Variants in LPP observed in about 807,000 individuals in gnomAD.
LPP encodes the protein lipoma-preferred partner.
In LPP, 38 loss-of-function variants were observed where a neutral mutation model predicts 60.4. The observed-to-expected ratio is 0.63, with a 90% CI of 0.49 to 0.83. The LOEUF (loss-of-function observed/expected upper bound fraction) is 0.83, where lower values mean the gene tolerates loss of function less well. Among genes scored for constraint, LPP ranks in the 40% least tolerant of loss-of-function variants. The pLI is 0.00. For synonymous variants in LPP, 328 were observed against 290.8 expected (o/e 1.13, Z -1.30); for missense variants, 902 against 783.6 (o/e 1.15, Z -1.80).
chr3:188,334,775 A>G lies in LPP; in HGVS notation c.-66-6888A>G, dbSNP rs191494538. The stretch of plus-strand genomic sequence containing the variant: ...TTGAAGAACCTCTATACTATTTTCT[A>G]TAATGGCTGTACTAACTTACATTCC... On this transcript the variant is annotated intron_variant, in intron 2 of 11. Transcript: ENST00000617246. Among the ~76,000 whole-genome samples, 332 of 152,282 alleles carry G rather than the reference A, an allele frequency of 2.2e-3. 3 individuals carry two copies. In the South Asian group the frequency reaches 0.024, roughly 11 times the overall value.
At chr3:188,418,228 T>C (rs1442508606) in intron 4 of LPP, among the ~76,000 whole-genome samples, 1 of 152,184 alleles carries the variant, frequency 6.6e-6, no homozygotes, top group African/African-American at 2.4e-5. Flanking sequence ...CAAATTTTAG[T>C]ATCTTCCCTT....
At chr3:188,580,680 TC>T (rs2150975148) in intron 6 of LPP, among the ~76,000 whole-genome samples, 1 of 152,258 alleles carries the variant, frequency 6.6e-6, no homozygotes, top group African/African-American at 2.4e-5. Flanking sequence ...ATGGTTTGTT[TC>T]CCACCAAAAG....
At chr3:188,795,631 A>T (rs114127429) in intron 9 of LPP, among the ~76,000 whole-genome samples, 5 of 152,248 alleles carry the variant, frequency 3.3e-5, no homozygotes, top group African/African-American at 1.2e-4. Context: ...GCCACACTGT[A>T]TACCCCCAAA....
intron 9 of LPP, among the ~76,000 whole-genome samples, chr3:188,779,802 CA>C: frequency 6.6e-6 from 1 of 152,138 alleles, no homozygotes; most frequent in African/African-American, 2.4e-5. Flanking sequence ...ATAGAGAAGA[CA>C]GCTAATACAT....
chr3:188,171,129 G>A lies in LPP; in HGVS notation c.-190+16877G>A, dbSNP rs778117310. Among the ~76,000 whole-genome samples, 5 of 152,140 alleles carry A rather than the reference G, an allele frequency of 3.3e-5. No individual in the cohort carries two copies. In the South Asian group the frequency reaches 6.2e-4, roughly 19 times the overall value. ...TCTGTGTATGAAACGTTAGGGTTAC[G>A]CTATGTGTACTCTCAGGGCCTTTTA... On this transcript the variant is annotated intron_variant, in intron 1 of 11. Transcript: ENST00000617246.
chr3:188,843,204 C>G (rs879890655), intron 9 of LPP, among the ~76,000 whole-genome samples: 27 of 152,112 alleles, frequency 1.8e-4, no homozygotes, highest in Non-Finnish European at 3.8e-4. Flanking sequence ...GTTCTAAGGG[C>G]CTCAGGGTAT....
chr3:188,831,513 T>C (rs1208059449), intron 9 of LPP, among the ~76,000 whole-genome samples: 1 of 152,122 alleles, frequency 6.6e-6, no homozygotes, highest in Non-Finnish European at 1.5e-5. Flanking sequence ...TCCCCCTCTG[T>C]AGCATATAAC....
intron 2 of LPP, among the ~76,000 whole-genome samples, chr3:188,243,800 G>C (rs73059645): frequency 0.017 from 2,629 of 152,178 alleles, 73 homozygotes; most frequent in African/African-American, 0.057. Context: ...GAAAGAGGAG[G>C]CTAACTAGAA....
chr3:188,601,522 T>A (rs1841163814), intron 6 of LPP, among the ~76,000 whole-genome samples: 1 of 152,110 alleles, frequency 6.6e-6, no homozygotes, highest in Non-Finnish European at 1.5e-5. Flanking sequence ...ACAAGTGGAG[T>A]CACACCATTA....
At chr3:188,591,185 A>G (rs1438492489) in intron 6 of LPP, among the ~76,000 whole-genome samples, 1 of 152,198 alleles carries the variant, frequency 6.6e-6, no homozygotes, top group African/African-American at 2.4e-5. Flanking sequence ...AAAATTGTCT[A>G]GCATTTTCTT....
chr3:188,162,370 A>G (rs374280451), intron 1 of LPP, among the ~76,000 whole-genome samples: 1 of 152,116 alleles, frequency 6.6e-6, no homozygotes, highest in Admixed American at 6.5e-5. Flanking sequence ...TTGTTCCTTA[A>G]CTTTTGCAAA....
intron 5 of LPP, among the ~76,000 whole-genome samples, chr3:188,518,096 C>T (rs570517037): frequency 1.3e-5 from 2 of 152,134 alleles, no homozygotes; most frequent in Non-Finnish European, 2.9e-5. Flanking sequence ...GTACAGCCTG[C>T]GGAACCATGA....
chr3:188,337,453 C>T (rs1761968095), intron 2 of LPP, among the ~76,000 whole-genome samples: 1 of 152,120 alleles, frequency 6.6e-6, no homozygotes, highest in South Asian at 2.1e-4. Context: ...TGCTGGGATC[C>T]TTTTGTGTAC....
intron 3 of LPP, among the ~76,000 whole-genome samples, chr3:188,375,341 CT>C (rs1560317565): frequency 2.6e-5 from 4 of 152,144 alleles, no homozygotes; most frequent in Non-Finnish European, 5.9e-5. Context: ...TGGTCCTGAA[CT>C]TTTTTTGGTC....
chr3:188,565,450 T>C (rs145394874), intron 6 of LPP, among the ~76,000 whole-genome samples: 2 of 152,126 alleles, frequency 1.3e-5, no homozygotes, highest in East Asian at 3.9e-4. Flanking sequence ...TCCACTAGTA[T>C]TTAGTTTTCA....
chr3:188,300,210 TC>T (rs1749321819), intron 2 of LPP, among the ~76,000 whole-genome samples: 1 of 152,188 alleles, frequency 6.6e-6, no homozygotes, highest in Non-Finnish European at 1.5e-5. Flanking sequence ...TTATTTTTTT[TC>T]TTTTTTTGTG....
chr3:188,659,111 A>G (rs1854002693), intron 7 of LPP, among the ~76,000 whole-genome samples: 1 of 152,206 alleles, frequency 6.6e-6, no homozygotes, highest in Non-Finnish European at 1.5e-5. Context: ...ATAATAGTGC[A>G]TCTTGATGCA....
At chr3:188,490,772 T>TTG (rs1553912545) in intron 5 of LPP, among the ~76,000 whole-genome samples, 4 of 147,648 alleles carry the variant, frequency 2.7e-5, no homozygotes, top group Non-Finnish European at 4.5e-5. Flanking sequence ...TTTTTTTTTT[T>TTG]GGGACAGAGT....
chr3:188,244,551 C>T (rs1056278138), intron 2 of LPP, among the ~76,000 whole-genome samples: 4 of 152,198 alleles, frequency 2.6e-5, no homozygotes, highest in Non-Finnish European at 5.9e-5. Flanking sequence ...CTATGCCTCT[C>T]CTTCAAGACC....
Sources: allele counts gnomAD v4.1 joint callset (sites outside exome capture counted in the v4.1 genomes callset), GRCh38; gene constraint gnomAD v4.1.1; transcripts MANE v1.5; gene names NCBI Gene and HGNC (gene_info 2026-07-23, HGNC 2026-07-21).